Variants in MACROD2 observed in about 807,000 individuals in gnomAD.
The protein encoded by MACROD2 is ADP-ribose glycohydrolase MACROD2.
In MACROD2, 36 loss-of-function variants were observed where a neutral mutation model predicts 70.4. The observed-to-expected ratio is 0.51, with a 90% CI of 0.39 to 0.68. MACROD2 has a LOEUF of 0.68. MACROD2 is among the 30% of genes least tolerant of loss of function. MACROD2 has a pLI of 0.00. For synonymous variants in MACROD2, 172 were observed against 178.8 expected, an observed-to-expected ratio of 0.96 and a Z score of 0.30; for missense variants, 496 against 538.4, an observed-to-expected ratio of 0.92 and a Z score of 0.78.
At chr20:15,986,462 A>T (rs558818057) in intron 13 of MACROD2, among the ~76,000 whole-genome samples, 91 of 152,362 alleles carry the variant, frequency 6.0e-4, no homozygotes, top group Non-Finnish European at 9.3e-4. Context: ...CTCTATCCAT[A>T]TCCTGTGCAT....
chr20:15,883,412 C>A (rs1414706490), intron 9 of MACROD2, among the ~76,000 whole-genome samples: 1 of 151,990 alleles, frequency 6.6e-6, no homozygotes, highest in East Asian at 1.9e-4. Flanking sequence ...TGGTATTCTT[C>A]CTTCCAAAAC....
chr20:14,085,999 C>T (rs2054072863), intron 3 of MACROD2, among the ~76,000 whole-genome samples: 2 of 152,216 alleles, frequency 1.3e-5, no homozygotes, highest in South Asian at 4.2e-4. Flanking sequence ...GCAGAAAGTT[C>T]TTCAGAAAGA....
At chr20:15,224,959 TAA>T (rs5840661) in intron 5 of MACROD2, among the ~76,000 whole-genome samples, 399 of 124,452 alleles carry the variant, frequency 3.2e-3, no homozygotes, top group South Asian at 0.02. Flanking sequence ...GACTTTGTCT[TAA>T]AAAAAAAAAA....
At chr20:14,020,199 G>A (rs1049628718) in intron 2 of MACROD2, among the ~76,000 whole-genome samples, 7 of 152,264 alleles carry the variant, frequency 4.6e-5, no homozygotes, top group Admixed American at 2.6e-4. Context: ...TCAGCCGGGC[G>A]CGGTGGCTCA....
At chr20:14,995,259 T>C (rs1317773387) in intron 5 of MACROD2, among the ~76,000 whole-genome samples, 1 of 152,166 alleles carries the variant, frequency 6.6e-6, no homozygotes, top group Non-Finnish European at 1.5e-5. Context: ...AAAATAAAAC[T>C]TGTAGAGAGA....
chr20:14,290,530 A>T (rs1231745349), intron 3 of MACROD2, among the ~76,000 whole-genome samples: 4 of 134,928 alleles, frequency 3.0e-5, no homozygotes, highest in Admixed American at 7.6e-5. Context: ...TTTTTTTGAG[A>T]TGGAGTTTTG....
intron 3 of MACROD2, chr20:14,127,523 C>A: frequency 2.0e-6 from 1 of 508,434 alleles, no homozygotes; most frequent in South Asian, 3.2e-5. Context: ...AGTTGCTCTA[C>A]TTAAGGAGAA....
At chr20:15,816,080 A>G (rs2063871266) in intron 8 of MACROD2, among the ~76,000 whole-genome samples, 2 of 151,780 alleles carry the variant, frequency 1.3e-5, no homozygotes. Context: ...CTCTACATAT[A>G]TTCATTATAT....
intron 5 of MACROD2, among the ~76,000 whole-genome samples, chr20:15,158,636 A>G (rs1296837993): frequency 6.6e-6 from 1 of 152,180 alleles, no homozygotes; most frequent in African/African-American, 2.4e-5. Flanking sequence ...GTTCATTTCA[A>G]TAGATGTCCT....
At chr20:15,254,113 C>T (rs1215175932) in intron 6 of MACROD2, among the ~76,000 whole-genome samples, 1 of 152,122 alleles carries the variant, frequency 6.6e-6, no homozygotes, top group African/African-American at 2.4e-5. Context: ...TCTCTTCACC[C>T]TGCAGGAAAC....
intron 8 of MACROD2, among the ~76,000 whole-genome samples, chr20:15,625,776 T>C (rs200759): frequency 0.12 from 17,963 of 151,968 alleles, 1,179 homozygotes; most frequent in African/African-American, 0.15. Context: ...TCCTAGATTC[T>C]GTCTGGATTC....
chr20:15,761,690 A>T lies in MACROD2; in HGVS notation c.646-101055A>T, dbSNP rs113393682. Among the ~76,000 whole-genome samples, 1,500 of 152,324 alleles carry T rather than the reference A, an allele frequency of 9.8e-3. 8 individuals are homozygous for T. The highest frequency in any genetic ancestry group is 0.017 in the Non-Finnish European group (1,152 of 68,034). On this transcript the variant is annotated intron_variant, in intron 8 of 17. Coordinates refer to ENST00000684519, the MANE Select transcript of MACROD2 (RefSeq NM_001351661.2). ...TGTGGTGACTCAGATTTTACAGAAG[A>T]TCCAATCCAGAAAAGCTAGAGCGCT...
chr20:15,787,043 G>A (rs1268595405), intron 8 of MACROD2, among the ~76,000 whole-genome samples: 3 of 152,006 alleles, frequency 2.0e-5, no homozygotes, highest in Non-Finnish European at 4.4e-5. Context: ...TGTGATCTCG[G>A]CTCACTGCAA....
intron 8 of MACROD2, among the ~76,000 whole-genome samples, chr20:15,843,266 A>G (rs2064194295): frequency 6.6e-6 from 1 of 152,222 alleles, no homozygotes; most frequent in Non-Finnish European, 1.5e-5. Flanking sequence ...ACAAGTTCAA[A>G]GAAGGCAGGA....
chr20:15,052,528 C>T (rs2075450440), intron 5 of MACROD2, among the ~76,000 whole-genome samples: 1 of 152,112 alleles, frequency 6.6e-6, no homozygotes, highest in Non-Finnish European at 1.5e-5. Flanking sequence ...TTTGACATTA[C>T]TATTGTCATT....
At chr20:15,582,795 A>C (rs1326510938) in intron 8 of MACROD2, among the ~76,000 whole-genome samples, 1 of 152,204 alleles carries the variant, frequency 6.6e-6, no homozygotes, top group Admixed American at 6.5e-5. Context: ...CTGTGGTTCA[A>C]GTTCTTCACC....
chr20:14,781,096 A>T lies in MACROD2; in HGVS notation c.418+96137A>T, dbSNP rs373816054. Among the ~76,000 whole-genome samples the T allele has an allele frequency of 1.5e-3, 232 of 152,152 alleles. 4 individuals are homozygous for T. The Middle Eastern group carries it at 0.041, about 27-fold the overall frequency. The stretch of plus-strand genomic sequence containing the variant: ...TTTGCTGTTTTGAAATATACAATAC[A>T]TTACTATTGACTATAATCACTTTGC... On this transcript the variant is annotated intron_variant, in intron 5 of 17. Transcript: ENST00000684519.
chr20:14,512,573 A>C (rs1419253530), intron 4 of MACROD2, among the ~76,000 whole-genome samples: 1 of 152,140 alleles, frequency 6.6e-6, no homozygotes, highest in Admixed American at 6.6e-5. Flanking sequence ...CTCGCTGCCC[A>C]GAAGATAGGA....
chr20:14,788,163 A>G (rs1015711705), intron 5 of MACROD2, among the ~76,000 whole-genome samples: 6 of 152,110 alleles, frequency 3.9e-5, no homozygotes, highest in African/African-American at 1.4e-4. Context: ...ATTTGAAAGC[A>G]TTCATAATAT....
Sources: gnomAD v4.1 joint callset for allele counts (sites outside exome capture counted in the v4.1 genomes callset) on GRCh38, gnomAD v4.1.1 for gene constraint, MANE v1.5 for transcripts, NCBI Gene and HGNC (gene_info 2026-07-23, HGNC 2026-07-21) for gene names.